Variants in LRRC4C observed in about 807,000 individuals in gnomAD.
LRRC4C encodes the protein leucine-rich repeat-containing protein 4C.
A neutral mutation model predicts 33.6 loss-of-function variants in LRRC4C; 5 were observed. The ratio of observed to expected loss-of-function variants is 0.15; its 90% CI spans 0.08 to 0.31. The LOEUF is 0.31. LRRC4C is among the 10% of genes least tolerant of loss of function. The pLI is 1.00. For synonymous variants in LRRC4C, 329 were observed against 302.0 expected, an observed-to-expected ratio of 1.09 and a Z score of -0.93; for missense variants, 560 against 796.7, an observed-to-expected ratio of 0.70 and a Z score of 3.58.
chr11:41,399,452 G>GAAAAT (rs1953945289), intron 1 of LRRC4C, among the ~76,000 whole-genome samples: 1 of 151,836 alleles, frequency 6.6e-6, no homozygotes, highest in Non-Finnish European at 1.5e-5. Context: ...ACAGTACAAA[G>GAAAAT]GATCAAAGAG....
intron 3 of LRRC4C, among the ~76,000 whole-genome samples, chr11:40,607,756 A>C (rs1017438222): frequency 6.6e-6 from 1 of 152,284 alleles, no homozygotes; most frequent in Admixed American, 6.5e-5. Context: ...GTGATGAGGC[A>C]GAATGTCTAA....
At chr11:40,709,300 C>T (rs1468062923) in intron 2 of LRRC4C, among the ~76,000 whole-genome samples, 1 of 152,118 alleles carries the variant, frequency 6.6e-6, no homozygotes, top group Non-Finnish European at 1.5e-5. Flanking sequence ...TTCCTAGCAT[C>T]CATGGTCTTT....
chr11:40,784,651 T>C (rs532481560), intron 2 of LRRC4C, among the ~76,000 whole-genome samples: 1 of 152,344 alleles, frequency 6.6e-6, no homozygotes, highest in South Asian at 2.1e-4. Context: ...CAGAAATATA[T>C]GTGTTGATTT....
At chr11:41,082,662 C>T (rs771955750) in intron 1 of LRRC4C, among the ~76,000 whole-genome samples, 49 of 152,158 alleles carry the variant, frequency 3.2e-4, no homozygotes, top group Admixed American at 7.2e-4. Context: ...CAGCAATTTA[C>T]GCAGGTCTGT....
chr11:40,439,446 T>C (rs979649049), intron 3 of LRRC4C, among the ~76,000 whole-genome samples: 36 of 151,122 alleles, frequency 2.4e-4, no homozygotes, highest in African/African-American at 8.0e-4. Context: ...AATAAATTAA[T>C]CCATTTATTC....
intron 1 of LRRC4C, among the ~76,000 whole-genome samples, chr11:40,940,218 G>A (rs1958082297): frequency 6.6e-6 from 1 of 152,078 alleles, no homozygotes; most frequent in Admixed American, 6.6e-5. Context: ...TAATGGGCTT[G>A]TTGTGAGAAT....
Position 40,542,955 on chromosome 11 carries a change from A to C in LRRC4C, c.-270+105187T>G, listed in dbSNP as rs890927145. Among the ~76,000 whole-genome samples, 7 of 152,208 alleles carry C rather than the reference A, an allele frequency of 4.6e-5. No homozygotes were observed. The East Asian group carries it at 1.2e-3, about 25-fold the overall frequency. On this transcript the variant is annotated intron_variant, in intron 3 of 6. Transcript: ENST00000528697. ...ACATTTGTTGCTTTTATTTTAGTTT[A>C]GTTTTCAGCATACAGATTTCTAGGT...
intron 3 of LRRC4C, among the ~76,000 whole-genome samples, chr11:40,644,005 A>G (rs1460545929): frequency 1.3e-5 from 2 of 152,196 alleles, no homozygotes; most frequent in African/African-American, 4.8e-5. Flanking sequence ...GAAAAAAAAC[A>G]TTAGATGCTA....
At chr11:41,087,973 G>A (rs535885443) in intron 1 of LRRC4C, among the ~76,000 whole-genome samples, 46 of 152,056 alleles carry the variant, frequency 3.0e-4, no homozygotes, top group Non-Finnish European at 5.0e-4. Context: ...TTATTAGAGC[G>A]CTAAGTTAAC....
At chr11:40,659,984 A>T (rs917814034) in intron 2 of LRRC4C, among the ~76,000 whole-genome samples, 2 of 152,204 alleles carry the variant, frequency 1.3e-5, no homozygotes, top group Non-Finnish European at 2.9e-5. Flanking sequence ...AGGCAACAAG[A>T]AGGATAAAAG....
At chr11:41,144,191 T>A (rs1943632736) in intron 1 of LRRC4C, among the ~76,000 whole-genome samples, 1 of 152,116 alleles carries the variant, frequency 6.6e-6, no homozygotes, top group African/African-American at 2.4e-5. Context: ...AGTATAATGG[T>A]CAAACTGCTC....
At chr11:40,271,149 T>C (rs1473050987) in intron 4 of LRRC4C, among the ~76,000 whole-genome samples, 2 of 152,172 alleles carry the variant, frequency 1.3e-5, no homozygotes, top group East Asian at 3.9e-4. Context: ...CCCAGATATA[T>C]TTATTACCTA....
chr11:41,088,786 G>A (rs77465994), intron 1 of LRRC4C, among the ~76,000 whole-genome samples: 2,940 of 152,096 alleles, frequency 0.019, 102 homozygotes, highest in African/African-American at 0.068. Flanking sequence ...TGTGGCTGAA[G>A]CTAAATCCTG....
chr11:41,128,876 T>A (rs886980263), intron 1 of LRRC4C, among the ~76,000 whole-genome samples: 1 of 152,188 alleles, frequency 6.6e-6, no homozygotes, highest in Non-Finnish European at 1.5e-5. Flanking sequence ...CTATCTGTAC[T>A]ATTATTTAGT....
chr11:41,111,375 C>A (rs1388292282), intron 1 of LRRC4C, among the ~76,000 whole-genome samples: 3 of 151,962 alleles, frequency 2.0e-5, no homozygotes, highest in African/African-American at 7.2e-5. Context: ...TGTTCCTAGC[C>A]CAGGGACAGA....
At position 40,327,946 on chromosome 11, in the gene LRRC4C, T is replaced by G. The variant is rs191973375; in HGVS notation, c.-269-8225A>C. Among the ~76,000 whole-genome samples, 159 of 152,196 alleles carry G rather than the reference T, an allele frequency of 1.0e-3. 1 individual carries two copies. The highest frequency in any genetic ancestry group is 3.5e-3 in the African/African-American group (147 of 41,546). On this transcript the variant is annotated intron_variant, in intron 3 of 6. Coordinates refer to ENST00000528697, the MANE Select transcript of LRRC4C (RefSeq NM_001258419.2). ...TCCAAATTCTAATTGTGAATTTGCTTGAGATTTTTTTAAAGAAAGGAATTA... is the reference window on the plus strand; with the variant it reads ...TCCAAATTCTAATTGTGAATTTGCTGGAGATTTTTTTAAAGAAAGGAATTA...
chr11:40,908,878 A>T, intron 2 of LRRC4C, among the ~76,000 whole-genome samples: 1 of 152,172 alleles, frequency 6.6e-6, no homozygotes, highest in East Asian at 1.9e-4. Flanking sequence ...TTCAACAAAC[A>T]TTTATTGAAC....
At chr11:40,874,798 T>C (rs761216669) in intron 2 of LRRC4C, among the ~76,000 whole-genome samples, 2 of 152,192 alleles carry the variant, frequency 1.3e-5, no homozygotes, top group Non-Finnish European at 2.9e-5. Flanking sequence ...CAACATAGTA[T>C]AGTACCACGT....
At chr11:40,407,735 C>A (rs771966156) in intron 3 of LRRC4C, among the ~76,000 whole-genome samples, 3 of 151,972 alleles carry the variant, frequency 2.0e-5, no homozygotes, top group Non-Finnish European at 4.4e-5. Flanking sequence ...TATGGTTAGG[C>A]AATTTAAACC....
Sources: allele counts gnomAD v4.1 joint callset (sites outside exome capture counted in the v4.1 genomes callset), GRCh38; gene constraint gnomAD v4.1.1; transcripts MANE v1.5; gene names NCBI Gene and HGNC (gene_info 2026-07-23, HGNC 2026-07-21).